BTBD9: variants seen among roughly 807,000 people sequenced by gnomAD.
BTBD9 encodes the protein BTB/POZ domain-containing protein 9.
BTBD9 carries 49 observed loss-of-function variants against 64.3 expected under a neutral mutation model. The ratio of observed to expected loss-of-function variants is 0.76; its 90% CI spans 0.61 to 0.97. The LOEUF (loss-of-function observed/expected upper bound fraction) is 0.97. Among genes scored for constraint, BTBD9 ranks in the 50% least tolerant of loss-of-function variants. The pLI, the probability that BTBD9 is intolerant of heterozygous loss-of-function variation, is 0.00. For synonymous variants in BTBD9, 260 were observed against 274.7 expected, an observed-to-expected ratio of 0.95 and a Z score of 0.53; for missense variants, 598 against 762.1, an observed-to-expected ratio of 0.78 and a Z score of 2.53.
chr6:38,605,998 G>A (rs1049842822), intron 1 of BTBD9, among the ~76,000 whole-genome samples: 5 of 152,168 alleles, frequency 3.3e-5, no homozygotes, highest in African/African-American at 9.7e-5. Flanking sequence ...AGCAGGAAGG[G>A]TAACAGCCGA....
intron 6 of BTBD9, among the ~76,000 whole-genome samples, chr6:38,411,878 A>G (rs1767441207): frequency 6.6e-6 from 1 of 152,100 alleles, no homozygotes; most frequent in Non-Finnish European, 1.5e-5. Flanking sequence ...CAGAGGTTAC[A>G]ATGAGCCAAG....
At chr6:38,550,320 T>TC (rs1353176273) in intron 6 of BTBD9, among the ~76,000 whole-genome samples, 1 of 100,502 alleles carries the variant, frequency 1.0e-5, no homozygotes, top group Non-Finnish European at 2.0e-5. Context: ...TTTTTCTTTT[T>TC]TCTTTTTTTT....
rs1204754787 is a variant in BTBD9 at position 38,288,338 on chromosome 6, CAT to C, written c.1386_1387del (p.Cys463SerfsTer29). 3.7e-6 allele frequency: 6 copies of C among 1,614,054 alleles called. No individual in the cohort carries two copies. Among genetic ancestry groups the C allele is most frequent in the Non-Finnish European group, 5.1e-6 (6 of 1,180,028 alleles). On this transcript the variant is annotated frameshift_variant, in exon 8 of 11. Coordinates refer to ENST00000481247, the MANE Select transcript of BTBD9 (RefSeq NM_001099272.2). LOFTEE classifies it high-confidence loss of function. ...AATCGCACCACTTCCTAGCTGGTGA[CAT>C]GTGTAGCCAGAATCCCAGTCATAAT... is the stretch of plus-strand genomic sequence containing the variant.
At chr6:38,594,518 T>C (rs1183565880) in intron 2 of BTBD9, 191 bp from the exon 3 acceptor site, 1 of 647,426 alleles carries the variant, frequency 1.5e-6, no homozygotes, top group Non-Finnish European at 2.4e-6. Context: ...TTAAAACTAT[T>C]TGAATTAATT....
intron 6 of BTBD9, among the ~76,000 whole-genome samples, chr6:38,462,179 T>A (rs1324695601): frequency 6.6e-6 from 1 of 152,160 alleles, no homozygotes; most frequent in Admixed American, 6.5e-5. Flanking sequence ...GTTTTTCAAT[T>A]TTTTTCTTTT....
At chr6:38,274,728 C>T (rs962749505) in intron 8 of BTBD9, among the ~76,000 whole-genome samples, 1 of 152,080 alleles carries the variant, frequency 6.6e-6, no homozygotes, top group Non-Finnish European at 1.5e-5. Flanking sequence ...AGGGATGAAG[C>T]CCACTTGATC....
At chr6:38,181,662 T>C (rs1481095329) in intron 10 of BTBD9, among the ~76,000 whole-genome samples, 1 of 152,204 alleles carries the variant, frequency 6.6e-6, no homozygotes, top group Non-Finnish European at 1.5e-5. Flanking sequence ...ACCTTGGTTT[T>C]TTATGTGCAT....
intron 9 of BTBD9, among the ~76,000 whole-genome samples, chr6:38,193,301 G>T (rs1762159922): frequency 6.6e-6 from 1 of 152,168 alleles, no homozygotes; most frequent in Admixed American, 6.5e-5. Context: ...CAGCACTTGG[G>T]CTGGGGCAGT....
chr6:38,345,118 G>A (rs1046404916), intron 6 of BTBD9, 25 bp from the exon 7 acceptor site: 2 of 1,515,848 alleles, frequency 1.3e-6, no homozygotes, highest in East Asian at 2.3e-5. Context: ...AAAAGAAAAT[G>A]TGTTGAAAAT....
intron 6 of BTBD9, among the ~76,000 whole-genome samples, chr6:38,551,527 C>A (rs1178952496): frequency 6.6e-6 from 1 of 152,180 alleles, no homozygotes; most frequent in Admixed American, 6.5e-5. Context: ...TCATAGCAAA[C>A]CTTCTCCTAC....
At chr6:38,301,713 C>T (rs551501570) in intron 7 of BTBD9, among the ~76,000 whole-genome samples, 33 of 151,888 alleles carry the variant, frequency 2.2e-4, no homozygotes, top group African/African-American at 6.5e-4. Context: ...ATATCCCCTT[C>T]GTCATTTTTT....
chr6:38,637,926 G>A (rs1190607632), intron 1 of BTBD9, among the ~76,000 whole-genome samples: 1 of 152,186 alleles, frequency 6.6e-6, no homozygotes, highest in African/African-American at 2.4e-5. Flanking sequence ...GTGGGATGCT[G>A]ATAAGCCCGC....
At chr6:38,313,609 G>A (rs1582213338) in intron 7 of BTBD9, among the ~76,000 whole-genome samples, 1 of 152,014 alleles carries the variant, frequency 6.6e-6, no homozygotes, top group African/African-American at 2.4e-5. Flanking sequence ...TTTATCAAAT[G>A]CTTTTTCATC....
At chr6:38,238,597 C>T (rs935761292) in intron 9 of BTBD9, among the ~76,000 whole-genome samples, 13 of 151,796 alleles carry the variant, frequency 8.6e-5, no homozygotes, top group Admixed American at 7.9e-4. Context: ...CTCAGCCTCC[C>T]GAGTAGCTGG....
chr6:38,597,964 T>C lies in BTBD9; in HGVS notation c.131A>G (p.Lys44Arg). 6.2e-7 allele frequency: 1 copy of C among 1,613,994 alleles called. No individual in the cohort carries two copies. The highest frequency in any genetic ancestry group is 2.2e-5 in the East Asian group (1 of 44,882). ...EYGDVTFVVE[K>R]KRFPAHRVIL... ...TACCCTGTGGGCAGGAAAACGTTTC[T>C]TTTCCACCACGAATGTGACGTCGCC... The change falls in exon 2 of 11, where the codon AAG becomes AGG. Residue 44 changes from lysine to arginine, a missense_variant. Physicochemically the swap from Lys to Arg is conservative, Grantham distance 26 (BLOSUM62 2). Coordinates refer to ENST00000481247, the MANE Select transcript of BTBD9 (RefSeq NM_001099272.2).
chr6:38,458,469 A>C (rs1296020788), intron 6 of BTBD9, among the ~76,000 whole-genome samples: 1 of 152,218 alleles, frequency 6.6e-6, no homozygotes, highest in African/African-American at 2.4e-5. Context: ...GCCTTCCCTA[A>C]AAGGCTTAGA....
At position 38,269,993 on chromosome 6, in the gene BTBD9, T is replaced by C. The variant is rs368033033; in HGVS notation, c.1455-13477A>G. Among the ~76,000 whole-genome samples the C allele has an allele frequency of 1.5e-4, 23 of 152,272 alleles. No individual in the cohort carries two copies. The South Asian group carries it at 3.5e-3, about 23-fold the overall frequency. ...AACCAGGCTTTCCGGTGATAGACAC[T>C]GGATGACTGAGAGAAGGAAATCTGA... On this transcript the variant is annotated intron_variant, in intron 8 of 10. Transcript: ENST00000481247.
intron 1 of BTBD9, among the ~76,000 whole-genome samples, chr6:38,619,202 C>T (rs965194051): frequency 6.6e-6 from 1 of 152,084 alleles, no homozygotes; most frequent in African/African-American, 2.4e-5. Flanking sequence ...CAGTCAGCCA[C>T]GGATATCAGG....
intron 6 of BTBD9, among the ~76,000 whole-genome samples, chr6:38,426,615 C>T (rs777154786): frequency 2.0e-5 from 3 of 151,856 alleles, no homozygotes; most frequent in Non-Finnish European, 4.4e-5. Context: ...CCTGATCCAG[C>T]GAGGCGCCTA....
Sources: gnomAD v4.1 joint callset for allele counts (sites outside exome capture counted in the v4.1 genomes callset) on GRCh38, gnomAD v4.1.1 for gene constraint, MANE v1.5 for transcripts, NCBI Gene and HGNC (gene_info 2026-07-23, HGNC 2026-07-21) for gene names.